The following SCOC variants were observed in gnomAD, a reference collection of about 807,000 sequenced individuals.
SCOC encodes short coiled-coil protein, also known as short coiled coil protein.
Under a neutral mutation model 9.9 loss-of-function variants are expected in SCOC, and 7 were observed. The observed-to-expected ratio is 0.71, with a 90% CI of 0.40 to 1.33. The LOEUF is 1.33. SCOC is among the 40% of genes most tolerant of loss of function. SCOC has a pLI of 0.01. For missense variants in SCOC, 66 were observed against 89.7 expected (o/e 0.74, Z 1.07); for synonymous variants, 19 against 28.2 (o/e 0.67, Z 1.03).
intron 1 of SCOC, among the ~76,000 whole-genome samples, chr4:140,282,475 C>T (rs1384345105): frequency 6.6e-6 from 1 of 152,082 alleles, no homozygotes; most frequent in Non-Finnish European, 1.5e-5. Flanking sequence ...CTGTCCCACC[C>T]CCCGTCCCCA....
chr4:140,264,553 G>T (rs371756023), intron 1 of SCOC, among the ~76,000 whole-genome samples: 3 of 152,126 alleles, frequency 2.0e-5, no homozygotes, highest in East Asian at 3.9e-4. Flanking sequence ...GAATGGTTTC[G>T]ATGCCCTTGA....
chr4:140,343,734 A>C, intron 2 of SCOC: 23 of 1,524,914 alleles, frequency 1.5e-5, no homozygotes, highest in Non-Finnish European at 1.9e-5. Context: ...ATAACTTCTC[A>C]AACATACATT....
chr4:140,337,883 G>A (rs944043859), intron 1 of SCOC, among the ~76,000 whole-genome samples: 1 of 152,144 alleles, frequency 6.6e-6, no homozygotes, highest in Non-Finnish European at 1.5e-5. Context: ...GGAGGAGCTG[G>A]TACCATTCCT....
chr4:140,372,274 C>T (rs1049322498), upstream of SCOC, among the ~76,000 whole-genome samples: 2 of 152,206 alleles, frequency 1.3e-5, no homozygotes, highest in Non-Finnish European at 1.5e-5. Flanking sequence ...ATGTATATTT[C>T]ACTACAATTA....
chr4:140,287,102 C>T (rs1731296683), intron 1 of SCOC, among the ~76,000 whole-genome samples: 1 of 151,600 alleles, frequency 6.6e-6, no homozygotes, highest in South Asian at 2.1e-4. Context: ...TACCATAGAT[C>T]ACACATATGT....
chr4:140,268,106 T>A (rs186852691), intron 1 of SCOC, among the ~76,000 whole-genome samples: 2 of 152,302 alleles, frequency 1.3e-5, no homozygotes, highest in Non-Finnish European at 2.9e-5. Flanking sequence ...TGATTTGGGA[T>A]GGGGTGAAGG....
intron 1 of SCOC, among the ~76,000 whole-genome samples, chr4:140,334,207 A>T (rs1342871424): frequency 6.6e-6 from 1 of 152,202 alleles, no homozygotes; most frequent in African/African-American, 2.4e-5. Flanking sequence ...TTCTATTATT[A>T]AACAGAATTT....
Position 140,379,646 on chromosome 4 carries a change from C to A in SCOC, c.100C>A (p.Leu34Ile), listed in dbSNP as rs1277003740. The part of the protein sequence containing the change: ...INQVLELQHT[L>I]EDLSARVDAV... ...TCAAGTGTTGGAACTCCAACACACA[C>A]TTGAAGGTTGGCTTGCATTTTGTAG... Residue 34 changes from leucine (L) to isoleucine (I), a missense_variant, in exon 3 of 4, where the codon CTT becomes ATT. Transcript: ENST00000608372. 1 of 1,604,760 alleles carries A rather than the reference C, an allele frequency of 6.2e-7. No individual in the cohort carries two copies.
intron 2 of SCOC, among the ~76,000 whole-genome samples, chr4:140,356,255 T>TAAAGAAATAAC (rs1727224950): frequency 6.6e-6 from 1 of 152,226 alleles, no homozygotes. Context: ...AAGATTCTGT[T>TAAAGAAATAAC]TTGTTCCTAA....
intron 1 of SCOC, among the ~76,000 whole-genome samples, chr4:140,269,683 T>A (rs1730800299): frequency 6.6e-6 from 1 of 152,242 alleles, no homozygotes; most frequent in African/African-American, 2.4e-5. Flanking sequence ...TGGGGTGATT[T>A]GTTATGCAGC....
At chr4:140,370,359 A>G (rs980886121), upstream of SCOC, among the ~76,000 whole-genome samples, 2 of 152,200 alleles carry the variant, frequency 1.3e-5, no homozygotes, top group Admixed American at 1.3e-4. Flanking sequence ...TGTTCTACAA[A>G]TGTCCATTAG....
chr4:140,351,144 C>T (rs866801833), intron 2 of SCOC, among the ~76,000 whole-genome samples: 3 of 151,234 alleles, frequency 2.0e-5, no homozygotes, highest in South Asian at 2.1e-4. Context: ...GAGCCGAGAT[C>T]GCGCCATTGC....
At chr4:140,366,964 G>A (rs1266698203) in intron 2 of SCOC, 2 of 475,592 alleles carry the variant, frequency 4.2e-6, no homozygotes, top group African/African-American at 3.9e-5. Context: ...CCAGCACTTT[G>A]GGAGGCCCAG....
chr4:140,275,981 G>A (rs565189719), intron 1 of SCOC, among the ~76,000 whole-genome samples: 4 of 151,906 alleles, frequency 2.6e-5, no homozygotes, highest in African/African-American at 9.7e-5. Flanking sequence ...GTGCCACTAT[G>A]CCCGGCTAAT....
chr4:140,305,797 T>C (rs1043307703), intron 1 of SCOC, among the ~76,000 whole-genome samples: 3 of 152,132 alleles, frequency 2.0e-5, no homozygotes, highest in Admixed American at 1.3e-4. Flanking sequence ...GATTCCATGA[T>C]GTAAAGCCAG....
At chr4:140,295,033 T>C (rs1260896603) in intron 1 of SCOC, among the ~76,000 whole-genome samples, 1 of 152,216 alleles carries the variant, frequency 6.6e-6, no homozygotes, top group Non-Finnish European at 1.5e-5. Flanking sequence ...ACACACCAGT[T>C]AAATAAAGCA....
rs188781203 is a variant in SCOC at position 140,324,909 on chromosome 4, T to G, written c.-18-18712T>G. 2.7e-3 allele frequency among the ~76,000 whole-genome samples: 416 copies of G among 151,446 alleles called. 2 individuals carry two copies. The highest frequency in any genetic ancestry group is 9.7e-3 in the African/African-American group (401 of 41,378). ...AAAAAGAAAAAAAAAAGTTGGAGGA[T>G]TCATGCTAGGATTTCAAGACTTATT... On this transcript the variant is annotated intron_variant, in intron 1 of 4. Transcript: ENST00000394205.
At chr4:140,307,195 T>C (rs547895410) in intron 1 of SCOC, among the ~76,000 whole-genome samples, 2 of 152,362 alleles carry the variant, frequency 1.3e-5, no homozygotes, top group African/African-American at 4.8e-5. Flanking sequence ...CTGTTGCTTA[T>C]ACATTTCTGT....
chr4:140,275,373 G>C (rs746979493), intron 1 of SCOC, among the ~76,000 whole-genome samples: 3 of 152,186 alleles, frequency 2.0e-5, no homozygotes, highest in African/African-American at 4.8e-5. Context: ...CTGCTATGCT[G>C]TGTGTGCCTG....
Sources: gnomAD v4.1 joint callset for allele counts (sites outside exome capture counted in the v4.1 genomes callset) on GRCh38, gnomAD v4.1.1 for gene constraint, MANE v1.5 for transcripts, NCBI Gene and HGNC (gene_info 2026-07-23, HGNC 2026-07-21) for gene names.